Variants in CCR5AS observed in about 807,000 individuals in gnomAD.
CCR5AS encodes the protein CCR5 antisense RNA.
intron 3 of CCR5AS, among the ~76,000 whole-genome samples, chr3:46,369,194 G>T (rs1302108310): frequency 1.3e-5 from 2 of 152,034 alleles, no homozygotes; most frequent in Non-Finnish European, 2.9e-5. Context: ...TTGTATTTGG[G>T]TTTTTTTAAA....
chr3:46,369,646 T>G (rs1452410251), intron 3 of CCR5AS, among the ~76,000 whole-genome samples: 1 of 152,214 alleles, frequency 6.6e-6, no homozygotes, highest in Non-Finnish European at 1.5e-5. Context: ...GACAAAGGAC[T>G]GCTGAAAGAG....
At chr3:46,390,718 T>A (rs1225168844) in intron 2 of CCR5AS, among the ~76,000 whole-genome samples, 1 of 152,206 alleles carries the variant, frequency 6.6e-6, no homozygotes, top group South Asian at 2.1e-4. Context: ...GGGAAGCAGA[T>A]AATTTGGTTA....
chr3:46,386,954 T>C (rs1701867922), intron 2 of CCR5AS, among the ~76,000 whole-genome samples: 1 of 152,036 alleles, frequency 6.6e-6, no homozygotes. Flanking sequence ...TAAAACTGAG[T>C]GATGGGAATA....
rs926003990 is a variant in CCR5AS, at chr3:46,393,481, G to T, written n.164-429C>A. ...GCCACAAAAAAAAAAGAAAAGAAAAGAAAAGAAAAAAAAAGAAGAAGAAAA... is the reference window on the plus strand; with the variant it reads ...GCCACAAAAAAAAAAGAAAAGAAAATAAAAGAAAAAAAAAGAAGAAGAAAA... On this transcript the variant is annotated intron_variant and non_coding_transcript_variant, in intron 1 of 3. Coordinates refer to ENST00000451485, the Ensembl canonical transcript of CCR5AS. 3.4e-5 allele frequency among the ~76,000 whole-genome samples: 4 copies of T among 119,272 alleles called. No homozygotes were observed. The East Asian group carries it at 8.8e-4, about 26-fold the overall frequency. The allele number at this position is 119,272 out of a possible 152,430, so 78.2% of individuals were successfully genotyped here. A position where few individuals can be genotyped will look rare whatever the true frequency, so the allele number is the denominator to read the frequency against.
intron 2 of CCR5AS, chr3:46,373,460 G>A (rs1224448979): frequency 3.8e-6 from 5 of 1,316,184 alleles, no homozygotes; most frequent in East Asian, 4.5e-5. Flanking sequence ...CATACAGTCA[G>A]TATCAATTCT....
chr3:46,404,327 CTTTTTTTT>C (rs10567130), intron 1 of CCR5AS, among the ~76,000 whole-genome samples: 1 of 75,926 alleles, frequency 1.3e-5, no homozygotes, highest in Non-Finnish European at 2.2e-5. Context: ...CTCTCTCTCT[CTTTTTTTT>C]TTTTTTTTTT....
intron 2 of CCR5AS, among the ~76,000 whole-genome samples, chr3:46,377,957 G>A (rs913066754): frequency 5.9e-5 from 9 of 151,988 alleles, no homozygotes; most frequent in South Asian, 4.2e-4. Flanking sequence ...TGCCCGCCTC[G>A]GCCTCCCACC....
chr3:46,373,419 G>T lies in CCR5AS; in HGVS notation n.392-2002C>A. 1.9e-6 allele frequency: 3 copies of T among 1,612,462 alleles called. No individual in the cohort carries two copies. The highest frequency in any genetic ancestry group is 2.5e-6 in the Non-Finnish European group (3 of 1,178,884). ...CATCTTTACCAGATCTCAAAAAGAAGGTCTTCATTACACCTGCAGCTCTCA... is the reference window on the plus strand; with the variant it reads ...CATCTTTACCAGATCTCAAAAAGAATGTCTTCATTACACCTGCAGCTCTCA... On this transcript the variant is annotated intron_variant and non_coding_transcript_variant, in intron 2 of 3. Transcript: ENST00000451485.
chr3:46,372,915 G>C, intron 2 of CCR5AS: 1 of 1,586,748 alleles, frequency 6.3e-7, no homozygotes. Context: ...GGATTATCAA[G>C]TGTCAAGTCC....
At chr3:46,398,139 T>C (rs1366414310) in intron 1 of CCR5AS, among the ~76,000 whole-genome samples, 1 of 152,228 alleles carries the variant, frequency 6.6e-6, no homozygotes, top group Non-Finnish European at 1.5e-5. Context: ...GGGAAAAATC[T>C]CTGAGACTAC....
intron 1 of CCR5AS, among the ~76,000 whole-genome samples, chr3:46,406,063 C>A (rs11574430): frequency 0.31 from 47,590 of 151,764 alleles, 9,394 homozygotes; most frequent in African/African-American, 0.56. Context: ...GTTTATAGAT[C>A]CGGGATCTCA....
At chr3:46,393,376 G>T (rs1303729148) in intron 1 of CCR5AS, among the ~76,000 whole-genome samples, 1 of 150,072 alleles carries the variant, frequency 6.7e-6, no homozygotes, top group Non-Finnish European at 1.5e-5. Context: ...GGATATGATG[G>T]CTTAGCTTGG....
At chr3:46,401,788 A>C (rs1037934476) in intron 1 of CCR5AS, among the ~76,000 whole-genome samples, 3 of 149,002 alleles carry the variant, frequency 2.0e-5, no homozygotes, top group African/African-American at 7.3e-5. Flanking sequence ...TTATTAATTT[A>C]ATTAATAATA....
At position 46,377,044 on chromosome 3, in the gene CCR5AS, G is replaced by A. The variant is rs144801335; in HGVS notation, n.392-5627C>T. Among the ~76,000 whole-genome samples the A allele has an allele frequency of 4.9e-3, 741 of 152,284 alleles. 5 individuals carry two copies. The highest frequency in any genetic ancestry group is 8.5e-3 in the Non-Finnish European group (581 of 68,012). On this transcript the variant is annotated intron_variant and non_coding_transcript_variant, in intron 2 of 3. Transcript: ENST00000451485. ...AGGGCAGGAGGGGGCTGGGGTTAGG[G>A]TAGAAGGAAGGGGCCATGGAGAAGG...
At chr3:46,387,471 C>T (rs2106767097) in intron 2 of CCR5AS, among the ~76,000 whole-genome samples, 1 of 152,308 alleles carries the variant, frequency 6.6e-6, no homozygotes, top group East Asian at 1.9e-4. Flanking sequence ...ACTTTTCCCA[C>T]ATTCTCAGAA....
At chr3:46,396,034 T>C (rs1302244926) in intron 1 of CCR5AS, among the ~76,000 whole-genome samples, 1 of 152,170 alleles carries the variant, frequency 6.6e-6, no homozygotes, top group Non-Finnish European at 1.5e-5. Context: ...AAGCAGGGCC[T>C]TCACAGTCCC....
At chr3:46,369,975 T>C (rs1356612147) in intron 3 of CCR5AS, among the ~76,000 whole-genome samples, 1 of 152,204 alleles carries the variant, frequency 6.6e-6, no homozygotes, top group Non-Finnish European at 1.5e-5. Flanking sequence ...AGAGGGCATC[T>C]TGTGGCTCGG....
chr3:46,373,810 A>G lies in CCR5AS; in HGVS notation n.392-2393T>C. ...ATCATCTATGCCTTTGTCGGGGAGAAGTTCAGAAACTACCTCTTAGTCTTC... is the reference window on the plus strand; with the variant it reads ...ATCATCTATGCCTTTGTCGGGGAGAGGTTCAGAAACTACCTCTTAGTCTTC... On this transcript the variant is annotated intron_variant and non_coding_transcript_variant, in intron 2 of 3. Coordinates refer to ENST00000451485, the Ensembl canonical transcript of CCR5AS. 4 of 1,614,034 alleles carry G rather than the reference A, an allele frequency of 2.5e-6. No homozygotes were observed. The highest frequency in any genetic ancestry group is 2.5e-6 in the Non-Finnish European group (3 of 1,179,870).
chr3:46,406,610 C>T (rs1422036301), intron 1 of CCR5AS, among the ~76,000 whole-genome samples: 1 of 152,156 alleles, frequency 6.6e-6, no homozygotes, highest in Non-Finnish European at 1.5e-5. Flanking sequence ...GTGTCATCAC[C>T]ACGGGATTTT....
Sources: allele counts gnomAD v4.1 joint callset (sites outside exome capture counted in the v4.1 genomes callset), GRCh38; gene constraint gnomAD v4.1.1; transcripts MANE v1.5; gene names NCBI Gene and HGNC (gene_info 2026-07-23, HGNC 2026-07-21).